The following SLIT2 variants were observed in gnomAD, a reference collection of about 807,000 sequenced individuals.
SLIT2 encodes the protein slit homolog 2 protein.
In SLIT2, 41 loss-of-function variants were observed where a neutral mutation model predicts 185.7. The ratio of observed to expected loss-of-function variants is 0.22; its 90% confidence interval spans 0.17 to 0.29. The LOEUF (loss-of-function observed/expected upper bound fraction) is 0.29, where lower values mean the gene tolerates loss of function less well. Among genes scored for constraint, SLIT2 ranks in the 10% least tolerant of loss-of-function variants. SLIT2 has a pLI of 1.00. For missense variants in SLIT2, 1,571 were observed against 1,909.0 expected (o/e 0.82, Z 3.30); for synonymous variants, 693 against 680.2 (o/e 1.02, Z -0.29).
At chr4:20,267,710 A>T (rs1220543043) in intron 3 of SLIT2, among the ~76,000 whole-genome samples, 3 of 151,850 alleles carry the variant, frequency 2.0e-5, no homozygotes, top group Admixed American at 2.0e-4. Flanking sequence ...TCTGGAGACT[A>T]AATAAGTATA....
chr4:20,565,258 A>T (rs1364790088), intron 26 of SLIT2, among the ~76,000 whole-genome samples: 3 of 152,012 alleles, frequency 2.0e-5, no homozygotes, highest in African/African-American at 7.2e-5. Flanking sequence ...ATGTGGCCAG[A>T]TAAATGCTTA....
intron 5 of SLIT2, among the ~76,000 whole-genome samples, chr4:20,468,356 A>G (rs1248886511): frequency 2.6e-5 from 4 of 152,102 alleles, no homozygotes; most frequent in Non-Finnish European, 5.9e-5. Flanking sequence ...CACCCTTTGC[A>G]TTAAATACCA....
chr4:20,552,438 C>A (rs2148893489), intron 25 of SLIT2: 1 of 150,096 alleles, frequency 6.7e-6, no homozygotes, highest in East Asian at 2.0e-4. Context: ...TTCTAGTGTA[C>A]ATGTGCACAA....
intron 29 of SLIT2, among the ~76,000 whole-genome samples, chr4:20,570,816 T>C (rs924099863): frequency 6.7e-6 from 1 of 150,370 alleles, no homozygotes; most frequent in African/African-American, 2.4e-5. Flanking sequence ...TTCTTATGTG[T>C]CTTTTTGACA....
chr4:20,575,105 A>G (rs1455853818), intron 29 of SLIT2, among the ~76,000 whole-genome samples: 1 of 152,216 alleles, frequency 6.6e-6, no homozygotes, highest in Non-Finnish European at 1.5e-5. Context: ...CAGAAACATA[A>G]TAGCAATTAT....
chr4:20,615,338 C>T (rs1729569336), intron 34 of SLIT2: 1 of 152,150 alleles, frequency 6.6e-6, no homozygotes, highest in Admixed American at 6.5e-5. Context: ...AGCCAAGAGA[C>T]TTCATTCAAT....
At position 20,432,522 on chromosome 4, in the gene SLIT2, CTT is replaced by C. The variant is rs59431145; in HGVS notation, c.396-35214_396-35213del. ...TCATTCATAGCTGCAGACTGTCTGCCTTTTTTTTTTTTTTTTTAATACTTGGC... is the reference window on the plus strand; with the variant it reads ...TCATTCATAGCTGCAGACTGTCTGCCTTTTTTTTTTTTTTTAATACTTGGC... On this transcript the variant is annotated intron_variant, in intron 4 of 36. Coordinates refer to ENST00000504154, the MANE Select transcript of SLIT2 (RefSeq NM_004787.4). Among the ~76,000 whole-genome samples the C allele has an allele frequency of 9.0e-3, 1,283 of 141,900 alleles. 25 individuals are homozygous for C. Among genetic ancestry groups the C allele is most frequent in the African/African-American group, 0.027 (1,040 of 38,554 alleles). 93.1% of individuals were successfully genotyped at this position (141,900 alleles called of 152,430 possible).
At position 20,252,014 on chromosome 4, in the gene SLIT2, C is replaced by CGGCGGA. The variant is rs1258720728; in HGVS notation, c.-1792_-1787dup. Among the ~76,000 whole-genome samples, 24 of 152,064 alleles carry CGGCGGA rather than the reference C, an allele frequency of 1.6e-4. No homozygotes were observed. In the South Asian group the frequency reaches 2.9e-3, roughly 18 times the overall value. Reference sequence around the variant, plus strand: ...AAAAAGAAGGCGGCGGCGGCGGCGGCGGCGGAGGCGGAGGCAGCTGCGAGG... The same window carrying CGGCGGA: ...AAAAAGAAGGCGGCGGCGGCGGCGGCGGCGGAGGCGGAGGCGGAGGCAGCTGCGAGG... On this transcript the variant is annotated 5_prime_UTR_variant, in exon 1 of 37. Transcript: ENST00000504154.
At chr4:20,403,711 G>A (rs1051741339) in intron 4 of SLIT2, among the ~76,000 whole-genome samples, 14 of 151,882 alleles carry the variant, frequency 9.2e-5, no homozygotes, top group Non-Finnish European at 1.0e-4. Flanking sequence ...CTGTGTTTTT[G>A]ATACAAATGA....
intron 4 of SLIT2, among the ~76,000 whole-genome samples, chr4:20,303,148 A>G (rs1717209251): frequency 6.6e-6 from 1 of 152,186 alleles, no homozygotes; most frequent in Non-Finnish European, 1.5e-5. Flanking sequence ...TATACTGTGC[A>G]AGACTTACTT....
chr4:20,309,820 C>T (rs1238251697), intron 4 of SLIT2, among the ~76,000 whole-genome samples: 1 of 134,686 alleles, frequency 7.4e-6, no homozygotes, highest in Non-Finnish European at 1.5e-5. Context: ...AGTGCAGTGG[C>T]GTTATCTCGG....
chr4:20,436,861 G>A (rs1270974800), intron 4 of SLIT2, among the ~76,000 whole-genome samples: 1 of 152,086 alleles, frequency 6.6e-6, no homozygotes, highest in African/African-American at 2.4e-5. Flanking sequence ...CACTCTTTTG[G>A]TCATGATCAA....
At chr4:20,565,632 G>A (rs1197548082) in intron 26 of SLIT2, among the ~76,000 whole-genome samples, 1 of 151,826 alleles carries the variant, frequency 6.6e-6, no homozygotes, top group Non-Finnish European at 1.5e-5. Context: ...GCTGTAATTT[G>A]ATATAGAGAC....
chr4:20,352,028 A>T (rs1020232258), intron 4 of SLIT2, among the ~76,000 whole-genome samples: 3 of 152,152 alleles, frequency 2.0e-5, no homozygotes, highest in African/African-American at 7.2e-5. Context: ...ACAGAGCGAG[A>T]ATGACATTAT....
intron 4 of SLIT2, among the ~76,000 whole-genome samples, chr4:20,279,327 C>T (rs1363993043): frequency 2.0e-5 from 3 of 152,198 alleles, no homozygotes; most frequent in African/African-American, 4.8e-5. Flanking sequence ...ATCATGCTAT[C>T]ATAGCAGATC....
intron 4 of SLIT2, among the ~76,000 whole-genome samples, chr4:20,302,787 C>T (rs1717177366): frequency 6.6e-6 from 1 of 152,176 alleles, no homozygotes; most frequent in African/African-American, 2.4e-5. Flanking sequence ...AATTCTAAAG[C>T]AAACGTTTAT....
intron 4 of SLIT2, among the ~76,000 whole-genome samples, chr4:20,433,267 A>G (rs1729119672): frequency 6.6e-6 from 1 of 152,226 alleles, no homozygotes; most frequent in African/African-American, 2.4e-5. Context: ...TGAACTACCG[A>G]GTGACACAAC....
At chr4:20,441,925 A>G (rs1249590008) in intron 4 of SLIT2, among the ~76,000 whole-genome samples, 1 of 152,256 alleles carries the variant, frequency 6.6e-6, no homozygotes, top group Non-Finnish European at 1.5e-5. Context: ...GCCTAATAAG[A>G]GAGCCCAACA....
intron 4 of SLIT2, among the ~76,000 whole-genome samples, chr4:20,403,700 A>G (rs1033292846): frequency 5.3e-5 from 8 of 151,948 alleles, no homozygotes; most frequent in Non-Finnish European, 1.0e-4. Context: ...GCAAGAGTCG[A>G]CTGTGTTTTT....
Sources: gnomAD v4.1 joint callset for allele counts (sites outside exome capture counted in the v4.1 genomes callset) on GRCh38, gnomAD v4.1.1 for gene constraint, MANE v1.5 for transcripts, NCBI Gene and HGNC (gene_info 2026-07-23, HGNC 2026-07-21) for gene names.